The following LYPD6 variants were observed in gnomAD, a reference collection of about 807,000 sequenced individuals.
LYPD6 encodes LY6/PLAUR domain containing 6, also known as ly6/PLAUR domain-containing protein 6.
In LYPD6, 15 loss-of-function variants were observed where a neutral mutation model predicts 22.7. That is an observed-to-expected ratio of 0.66 (90% CI 0.44 to 1.02). The LOEUF (loss-of-function observed/expected upper bound fraction) is 1.02, where lower values mean the gene tolerates loss of function less well. LYPD6 is among the 50% of genes least tolerant of loss of function. The pLI is 0.00. For synonymous variants in LYPD6, 72 were observed against 77.5 expected, an observed-to-expected ratio of 0.93 and a Z score of 0.37; for missense variants, 189 against 208.4, an observed-to-expected ratio of 0.91 and a Z score of 0.57.
intron 1 of LYPD6, among the ~76,000 whole-genome samples, chr2:149,433,962 A>T (rs1294783961): frequency 6.6e-6 from 1 of 152,076 alleles, no homozygotes; most frequent in Non-Finnish European, 1.5e-5. Flanking sequence ...ATCTCCCACC[A>T]TTTCTTTTTA....
At chr2:149,431,276 G>A (rs1683306530) in intron 1 of LYPD6, among the ~76,000 whole-genome samples, 1 of 152,186 alleles carries the variant, frequency 6.6e-6, no homozygotes, top group Non-Finnish European at 1.5e-5. Flanking sequence ...GAAACACAAT[G>A]TCTTTTCTAA....
At chr2:149,342,297 G>A (rs11888801) in intron 1 of LYPD6, among the ~76,000 whole-genome samples, 2,894 of 152,130 alleles carry the variant, frequency 0.019, 97 homozygotes, top group African/African-American at 0.067. Context: ...ATTTGGATGG[G>A]ATACAACACC....
In LYPD6 at chr2:149,424,115, G is replaced by A. The variant is rs573730545; in HGVS notation, c.-71-13523G>A. Among the ~76,000 whole-genome samples the A allele has an allele frequency of 1.7e-4, 23 of 135,810 alleles. No individual in the cohort carries two copies. The South Asian group carries it at 4.3e-3, about 25-fold the overall frequency. 89.1% of individuals were successfully genotyped at this position (135,810 alleles called of 152,430 possible). ...CTTCTTCCAAGTTCCTGTAGCATGCGTACACATGTCAATATGCACACAACA... is the reference window on the plus strand; with the variant it reads ...CTTCTTCCAAGTTCCTGTAGCATGCATACACATGTCAATATGCACACAACA... On this transcript the variant is annotated intron_variant, in intron 1 of 4. Coordinates refer to ENST00000334166, the MANE Select transcript of LYPD6 (RefSeq NM_194317.5).
intron 1 of LYPD6, among the ~76,000 whole-genome samples, chr2:149,403,177 G>T (rs1313406734): frequency 2.6e-5 from 4 of 152,090 alleles, no homozygotes; most frequent in African/African-American, 9.7e-5. Context: ...TGTGAATAGT[G>T]CCGCAGTAAA....
chr2:149,432,403 T>C (rs1683333702), intron 1 of LYPD6, among the ~76,000 whole-genome samples: 2 of 151,904 alleles, frequency 1.3e-5, no homozygotes, highest in Non-Finnish European at 2.9e-5. Flanking sequence ...AAAAGAAACC[T>C]CAGATTTCTG....
At chr2:149,460,441 AATCTTAAGT>A (rs1163026624) in intron 3 of LYPD6, among the ~76,000 whole-genome samples, 1 of 152,184 alleles carries the variant, frequency 6.6e-6, no homozygotes, top group Non-Finnish European at 1.5e-5. Flanking sequence ...AAGATATAGC[AATCTTAAGT>A]ATATAAGCAT....
rs192127811 is a variant in LYPD6 at position 149,364,686 on chromosome 2, C to A, written c.-72+33964C>A. ...TGTTTCCCTGGGATGAATTCTTAGA[C>A]ATAGAATTACTCCAGGAAGGGTACC... On this transcript the variant is annotated intron_variant, in intron 1 of 4. Coordinates refer to ENST00000334166, the MANE Select transcript of LYPD6 (RefSeq NM_194317.5). Among the ~76,000 whole-genome samples, 10 of 151,832 alleles carry A rather than the reference C, an allele frequency of 6.6e-5. No homozygotes were observed. The East Asian group carries it at 1.9e-3, about 30-fold the overall frequency.
At chr2:149,460,097 A>T (rs1027901795) in intron 3 of LYPD6, among the ~76,000 whole-genome samples, 1 of 152,192 alleles carries the variant, frequency 6.6e-6, no homozygotes, top group Admixed American at 6.6e-5. Flanking sequence ...TCACAATGGA[A>T]TTCTAAAAAA....
intron 1 of LYPD6, among the ~76,000 whole-genome samples, chr2:149,425,800 T>G (rs1021018343): frequency 6.6e-6 from 1 of 152,240 alleles, no homozygotes; most frequent in Non-Finnish European, 1.5e-5. Flanking sequence ...GAGGAAATCC[T>G]TCTTTCCTCT....
At chr2:149,387,448 G>A (rs537879579) in intron 1 of LYPD6, among the ~76,000 whole-genome samples, 1 of 152,104 alleles carries the variant, frequency 6.6e-6, no homozygotes, top group Non-Finnish European at 1.5e-5. Context: ...GCACTGACTG[G>A]TATGTTAATT....
At chr2:149,406,512 T>A (rs1486159908) in intron 1 of LYPD6, among the ~76,000 whole-genome samples, 1 of 152,320 alleles carries the variant, frequency 6.6e-6, no homozygotes, top group Non-Finnish European at 1.5e-5. Context: ...TCTTTTGATC[T>A]TTGTTGGTTT....
the LYPD6 span, among the ~76,000 whole-genome samples, chr2:149,480,016 T>G: frequency 7.1e-6 from 1 of 140,500 alleles, no homozygotes; most frequent in Non-Finnish European, 1.5e-5. Flanking sequence ...CTTTTTTCTC[T>G]CTCTTTTTTT....
intron 1 of LYPD6, among the ~76,000 whole-genome samples, chr2:149,375,959 T>G (rs906456755): frequency 3.3e-5 from 5 of 152,234 alleles, no homozygotes; most frequent in African/African-American, 9.6e-5. Flanking sequence ...ATAGCAGCGT[T>G]TTCTTAGTGC....
chr2:149,419,477 A>G (rs1235759772), intron 1 of LYPD6, among the ~76,000 whole-genome samples: 1 of 152,220 alleles, frequency 6.6e-6, no homozygotes, highest in Admixed American at 6.5e-5. Flanking sequence ...TTAAATTTCA[A>G]TTAAATACAA....
chr2:149,384,198 A>T (rs564529406), intron 1 of LYPD6, among the ~76,000 whole-genome samples: 18 of 152,188 alleles, frequency 1.2e-4, no homozygotes, highest in Non-Finnish European at 2.1e-4. Context: ...CTCAATTATA[A>T]GATGTTCATA....
chr2:149,340,352 A>G (rs994955535), intron 1 of LYPD6, among the ~76,000 whole-genome samples: 3 of 152,156 alleles, frequency 2.0e-5, no homozygotes, highest in Non-Finnish European at 4.4e-5. Context: ...TAATATAATC[A>G]TTTACTTGCA....
chr2:149,475,174 CT>C (rs568992682), downstream of LYPD6, among the ~76,000 whole-genome samples: 34 of 152,306 alleles, frequency 2.2e-4, no homozygotes, highest in African/African-American at 7.7e-4. Flanking sequence ...GTTACAGTAT[CT>C]TTTATCTGAA....
downstream of LYPD6, among the ~76,000 whole-genome samples, chr2:149,476,779 T>G (rs765125164): frequency 3.4e-4 from 52 of 152,032 alleles, no homozygotes; most frequent in Non-Finnish European, 6.6e-4. Context: ...GCACCCGGAG[T>G]CTGAGCACAT....
intron 1 of LYPD6, among the ~76,000 whole-genome samples, chr2:149,406,823 A>G (rs1274948584): frequency 6.6e-6 from 1 of 152,168 alleles, no homozygotes; most frequent in Non-Finnish European, 1.5e-5. Flanking sequence ...GTTTCTTCCT[A>G]GCCTCAATGG....
Sources: allele counts gnomAD v4.1 joint callset (sites outside exome capture counted in the v4.1 genomes callset), GRCh38; gene constraint gnomAD v4.1.1; transcripts MANE v1.5; gene names NCBI Gene and HGNC (gene_info 2026-07-23, HGNC 2026-07-21).